INHBA: variants seen among roughly 807,000 people sequenced by gnomAD.
The protein encoded by INHBA is inhibin subunit beta A.
Under a neutral mutation model 29.0 loss-of-function variants are expected in INHBA, and 1 was observed. That is an observed-to-expected ratio of 0.03 (90% CI 0.01 to 0.16). The LOEUF is 0.16. Among genes scored for constraint, INHBA ranks in the 10% least tolerant of loss-of-function variants. The probability of loss-of-function intolerance (pLI) is 1.00; values close to 1 mark genes in which losing one functional copy is unlikely to be tolerated. For synonymous variants in INHBA, 242 were observed against 216.8 expected, an observed-to-expected ratio of 1.12 and a Z score of -1.02; for missense variants, 376 against 545.4, an observed-to-expected ratio of 0.69 and a Z score of 3.09.
rs1315610862 is a variant in INHBA, at chr7:41,687,207, A to T, written c.*2443T>A. 1.3e-5 allele frequency: 2 copies of T among 152,242 alleles called. No individual in the cohort carries two copies. Among genetic ancestry groups the T allele is most frequent in the Admixed American group, 1.3e-4 (2 of 15,278 alleles). 9.4% of individuals were successfully genotyped at this position (152,242 alleles called of 1,614,324 possible). On this transcript the variant is annotated 3_prime_UTR_variant, in exon 3 of 3. Transcript: ENST00000242208. Reference sequence around the variant, plus strand: ...GCCAAGTGTTATAGTATACCAACTTAGTATATTTTTCAAGGAGAGCTAAAC... The same window carrying T: ...GCCAAGTGTTATAGTATACCAACTTTGTATATTTTTCAAGGAGAGCTAAAC...
At chr7:41,704,145 C>T (rs1048645827), upstream of INHBA, among the ~76,000 whole-genome samples, 3 of 152,166 alleles carry the variant, frequency 2.0e-5, no homozygotes, top group African/African-American at 4.8e-5. Flanking sequence ...ATTTAACATG[C>T]ATAAAATAAA....
chr7:41,690,274 A>C lies in INHBA; in HGVS notation c.657T>G (p.His219Gln). 6.2e-7 allele frequency: 1 copy of C among 1,613,986 alleles called. No homozygotes were observed. The highest frequency in any genetic ancestry group is 8.5e-7 in the Non-Finnish European group (1 of 1,179,998). The change falls in exon 3 of 3, where the codon CAT becomes CAG. Residue 219 changes from histidine to glutamine, a missense_variant. His to Gln is a conservative substitution (Grantham distance 24). This residue lies in a region of INHBA where 253 missense variants were observed against 313.4 expected (regional missense o/e 0.81). Coordinates refer to ENST00000242208, the MANE Select transcript of INHBA (RefSeq NM_002192.4). ...GGATGCTGCTGGAGACAGGGAAGAC[A>C]TGCCAGGTGCTCTTCCGAGCGTCTA... ...KVVDARKSTWHVFPVSSSIQR... is the reference protein window; with the variant it reads ...KVVDARKSTWQVFPVSSSIQR...
intron 2 of INHBA, 22 bp downstream of exon 2, chr7:41,699,965 C>T: frequency 3.6e-6 from 2 of 553,252 alleles, no homozygotes; most frequent in Non-Finnish European, 5.6e-6. Context: ...CCTCCCCACC[C>T]CCTGCCAATG....
At chr7:41,697,002 G>A (rs920065109) in intron 2 of INHBA, among the ~76,000 whole-genome samples, 1 of 152,126 alleles carries the variant, frequency 6.6e-6, no homozygotes, top group Non-Finnish European at 1.5e-5. Context: ...CCCACATCCA[G>A]GTTTGACAGC....
chr7:41,692,167 T>C (rs1462873461), intron 2 of INHBA: 1 of 152,240 alleles, frequency 6.6e-6, no homozygotes, highest in African/African-American at 2.4e-5. Context: ...CTTCCATTTT[T>C]CCCACTTGGT....
chr7:41,692,937 C>A (rs561895549), intron 2 of INHBA, among the ~76,000 whole-genome samples: 1 of 152,284 alleles, frequency 6.6e-6, no homozygotes, highest in South Asian at 2.1e-4. Context: ...AGGGTCCTGC[C>A]AAGGCCTTAG....
At chr7:41,691,543 G>C (rs1410885689) in intron 2 of INHBA, 1 of 152,314 alleles carries the variant, frequency 6.6e-6, no homozygotes, top group African/African-American at 2.4e-5. Flanking sequence ...CTAAGGCCTT[G>C]AGAATTCCAC....
intron 2 of INHBA, chr7:41,692,157 C>T (rs1423395783): frequency 1.3e-5 from 2 of 152,220 alleles, no homozygotes; most frequent in African/African-American, 4.8e-5. Context: ...TTTTCCCTCA[C>T]TTCCATTTTT....
At chr7:41,701,573 G>A (rs78033810) in intron 1 of INHBA, among the ~76,000 whole-genome samples, 17 of 152,232 alleles carry the variant, frequency 1.1e-4, no homozygotes, top group Middle Eastern at 3.4e-3. Context: ...TTCCAGAAGC[G>A]CTTTCTCCCC....
At chr7:41,699,290 A>T (rs961357948) in intron 2 of INHBA, among the ~76,000 whole-genome samples, 19 of 151,514 alleles carry the variant, frequency 1.3e-4, no homozygotes, top group Admixed American at 1.2e-3. Flanking sequence ...TGTTTTATTT[A>T]TTTTTTTTTC....
At chr7:41,702,754 C>T (rs772372695) in intron 1 of INHBA, among the ~76,000 whole-genome samples, 23 of 152,220 alleles carry the variant, frequency 1.5e-4, no homozygotes, top group East Asian at 5.8e-4. Flanking sequence ...TTACTGTTTG[C>T]GAATGTAACT....
At chr7:41,700,843 G>GAT (rs1794770383) in intron 1 of INHBA, among the ~76,000 whole-genome samples, 1 of 15,070 alleles carries the variant, frequency 6.6e-5, no homozygotes, top group Admixed American at 3.2e-4. Flanking sequence ...GGGAAAGGAA[G>GAT]AGAGAGAGAG....
intron 2 of INHBA, chr7:41,694,128 C>T (rs902458043): frequency 6.6e-6 from 1 of 152,184 alleles, no homozygotes; most frequent in African/African-American, 2.4e-5. Flanking sequence ...ACTTATTAAG[C>T]AGTGCATATT....
chr7:41,692,396 T>A (rs1794543422), intron 2 of INHBA: 1 of 152,184 alleles, frequency 6.6e-6, no homozygotes, highest in Non-Finnish European at 1.5e-5. Context: ...TACTATAAAT[T>A]TTAGGCACAG....
In INHBA at chr7:41,686,560, A is replaced by G. The variant is rs1284356858; in HGVS notation, c.*3090T>C. 3 of 152,184 alleles carry G rather than the reference A, an allele frequency of 2.0e-5. No individual in the cohort carries two copies. Among genetic ancestry groups the G allele is most frequent in the Non-Finnish European group, 4.4e-5 (3 of 68,018 alleles). The allele number at this position is 152,184 out of a possible 1,614,324, so 9.4% of individuals were successfully genotyped here. Reference sequence around the variant, plus strand: ...TAAAATACTATCTTTCAATGTTATCAAAAAATGGTAGCAACTTATACTTCT... The same window carrying G: ...TAAAATACTATCTTTCAATGTTATCGAAAAATGGTAGCAACTTATACTTCT... On this transcript the variant is annotated 3_prime_UTR_variant, in exon 3 of 3. Coordinates refer to ENST00000242208, the MANE Select transcript of INHBA (RefSeq NM_002192.4).
At chr7:41,704,821 G>A (rs1583604470), upstream of INHBA, among the ~76,000 whole-genome samples, 1 of 152,078 alleles carries the variant, frequency 6.6e-6, no homozygotes, top group East Asian at 1.9e-4. Context: ...ATAATAATAA[G>A]TGATACTATT....
chr7:41,700,587 G>A (rs573603080), intron 1 of INHBA, 70 bp from the exon 2 acceptor site: 9 of 217,484 alleles, frequency 4.1e-5, no homozygotes, highest in Non-Finnish European at 8.0e-5. Context: ...AGTCAGTGCT[G>A]TAGGTTTGTG....
chr7:41,691,102 T>C (rs1030935993), intron 2 of INHBA: 4 of 152,332 alleles, frequency 2.6e-5, no homozygotes, highest in Admixed American at 2.0e-4. Flanking sequence ...GAAGGTCAAA[T>C]GAGATAACAT....
intron 2 of INHBA, among the ~76,000 whole-genome samples, chr7:41,699,290 A>C (rs961357948): frequency 6.6e-6 from 1 of 151,514 alleles, no homozygotes; most frequent in East Asian, 1.9e-4. Context: ...TGTTTTATTT[A>C]TTTTTTTTTC....
Sources: allele counts gnomAD v4.1 joint callset (sites outside exome capture counted in the v4.1 genomes callset), GRCh38; gene constraint gnomAD v4.1.1; regional missense constraint gnomAD v4.1.1; transcripts MANE v1.5; gene names NCBI Gene and HGNC (gene_info 2026-07-23, HGNC 2026-07-21).